Variants in PARD3 observed in about 807,000 individuals in gnomAD.
The protein encoded by PARD3 is partitioning defective 3 homolog.
PARD3 carries 75 observed loss-of-function variants against 155.4 expected under a neutral mutation model. That is an observed-to-expected ratio of 0.48 (90% CI 0.40 to 0.58). The LOEUF is 0.58. Ranked by LOEUF, PARD3 falls within the 20% of genes least tolerant of loss-of-function variation. The probability of loss-of-function intolerance (pLI) is 0.00; values close to 1 mark genes in which losing one functional copy is unlikely to be tolerated. For synonymous variants in PARD3, 576 were observed against 610.5 expected, an observed-to-expected ratio of 0.94 and a Z score of 0.83; for missense variants, 1,642 against 1,721.7, an observed-to-expected ratio of 0.95 and a Z score of 0.82.
chr10:34,344,937 G>C lies in PARD3; in HGVS notation c.2218+3028C>G, dbSNP rs925277726. The stretch of plus-strand genomic sequence containing the variant: ...GCTCCATAACTCCCCGACATATAAG[G>C]TAAGTTGGCTGGAGTATGTGGTTTG... On this transcript the variant is annotated intron_variant, in intron 15 of 24. Coordinates refer to ENST00000374788, the MANE Select transcript of PARD3 (RefSeq NM_001184785.2). 6.1e-6 allele frequency: 6 copies of C among 985,268 alleles called. No homozygotes were observed. In the Admixed American group the frequency reaches 2.5e-4, roughly 40 times the overall value. 61.0% of individuals were successfully genotyped at this position (985,268 alleles called of 1,614,324 possible). A position where few individuals can be genotyped will look rare whatever the true frequency, so the allele number is the denominator to read the frequency against.
At chr10:34,776,833 T>TTTTTGGG (rs1564608800) in intron 1 of PARD3, among the ~76,000 whole-genome samples, 1 of 9,906 alleles carries the variant, frequency 1.0e-4, no homozygotes, top group Admixed American at 1.1e-3. Flanking sequence ...CGTGTTTTTT[T>TTTTTGGG]GTGGGGGGGG....
intron 15 of PARD3, chr10:34,345,254 G>T: frequency 1.0e-6 from 1 of 985,220 alleles, no homozygotes; most frequent in African/African-American, 1.7e-5. Context: ...AACTCTAAAG[G>T]CTCTTCCTTT....
chr10:34,302,632 T>A (rs754362559), intron 20 of PARD3, among the ~76,000 whole-genome samples: 1 of 152,210 alleles, frequency 6.6e-6, no homozygotes, highest in Non-Finnish European at 1.5e-5. Context: ...ATGTTTACTT[T>A]AGCTATCTGT....
intron 2 of PARD3, among the ~76,000 whole-genome samples, chr10:34,580,668 A>G (rs1418765207): frequency 6.6e-6 from 1 of 152,244 alleles, no homozygotes; most frequent in Non-Finnish European, 1.5e-5. Context: ...AACATTTGCC[A>G]AAAATTTGGT....
intron 2 of PARD3, among the ~76,000 whole-genome samples, chr10:34,600,180 CAAAAAAA>C (rs71033321): frequency 7.7e-6 from 1 of 130,694 alleles, no homozygotes; most frequent in South Asian, 2.5e-4. Context: ...ATCAAAAATA[CAAAAAAA>C]AAAAAAAAAT....
chr10:34,180,204 C>T (rs935604589), intron 22 of PARD3, among the ~76,000 whole-genome samples: 3 of 152,136 alleles, frequency 2.0e-5, no homozygotes, highest in African/African-American at 7.2e-5. Context: ...CCCGCCACCA[C>T]GCCTGGCTAA....
chr10:34,703,066 T>TA (rs1270576487), intron 1 of PARD3, among the ~76,000 whole-genome samples: 4 of 151,900 alleles, frequency 2.6e-5, no homozygotes, highest in Non-Finnish European at 5.9e-5. Context: ...AGAATTTTTT[T>TA]AAAAAAAGTA....
intron 2 of PARD3, among the ~76,000 whole-genome samples, chr10:34,597,954 G>A (rs1017185771): frequency 4.6e-5 from 7 of 152,134 alleles, no homozygotes; most frequent in African/African-American, 1.7e-4. Flanking sequence ...TGAAGTAGTG[G>A]CTTTCTCACA....
chr10:34,255,709 C>T (rs956610963), intron 22 of PARD3, among the ~76,000 whole-genome samples: 4 of 152,132 alleles, frequency 2.6e-5, no homozygotes, highest in South Asian at 2.1e-4. Context: ...TCATGGAAGA[C>T]GACAAACTCT....
At chr10:34,568,488 TTA>T (rs2086135666) in intron 2 of PARD3, among the ~76,000 whole-genome samples, 1 of 152,238 alleles carries the variant, frequency 6.6e-6, no homozygotes, top group Admixed American at 6.5e-5. Flanking sequence ...GCTACAAATT[TTA>T]TTTCATGGAA....
intron 22 of PARD3, among the ~76,000 whole-genome samples, chr10:34,252,700 ATGTT>A (rs1394241146): frequency 2.0e-5 from 3 of 152,062 alleles, no homozygotes; most frequent in Non-Finnish European, 4.4e-5. Context: ...GTGAATATAT[ATGTT>A]TATGTGTGTG....
intron 2 of PARD3, among the ~76,000 whole-genome samples, chr10:34,657,427 A>G (rs2093202294): frequency 6.6e-6 from 1 of 152,208 alleles, no homozygotes; most frequent in Admixed American, 6.5e-5. Context: ...TTTGACAATC[A>G]CCTGATAACC....
intron 2 of PARD3, among the ~76,000 whole-genome samples, chr10:34,523,479 C>A (rs1013970552): frequency 2.0e-5 from 3 of 152,122 alleles, no homozygotes; most frequent in African/African-American, 7.2e-5. Context: ...AAGTACAAAA[C>A]ATGTTGGAGA....
Position 34,814,866 on chromosome 10 carries a change from G to A in PARD3, c.120+10C>T, listed in dbSNP as rs923737062. 8.8e-6 allele frequency: 5 copies of A among 565,804 alleles called. No individual in the cohort carries two copies. Among genetic ancestry groups the A allele is most frequent in the African/African-American group, 4.4e-5 (2 of 45,760 alleles). The allele number at this position is 565,804 out of a possible 1,614,324, so 35.0% of individuals were successfully genotyped here. On this transcript the variant is annotated intron_variant, in intron 1 of 24. Coordinates refer to ENST00000374788, the MANE Select transcript of PARD3 (RefSeq NM_001184785.2). ...CCGCCCCCTCCCCGCCCGCGCCCCC[G>A]GCCCCTCACCTTGGCGATGGCCTTC...
At chr10:34,604,757 G>A (rs368337228) in intron 2 of PARD3, among the ~76,000 whole-genome samples, 1 of 151,448 alleles carries the variant, frequency 6.6e-6, no homozygotes, top group Admixed American at 6.6e-5. Context: ...GACAAATCTC[G>A]CTATACCGTC....
chr10:34,445,162 A>T (rs1309264982), intron 5 of PARD3, among the ~76,000 whole-genome samples: 1 of 152,242 alleles, frequency 6.6e-6, no homozygotes, highest in Admixed American at 6.5e-5. Flanking sequence ...AAAGCCTCAG[A>T]AGAGACATCA....
chr10:34,535,807 A>G (rs1044663847), intron 2 of PARD3, among the ~76,000 whole-genome samples: 10 of 111,206 alleles, frequency 9.0e-5, no homozygotes, highest in African/African-American at 5.9e-4. Context: ...TTAACCCACA[A>G]TTATCTTTAA....
chr10:34,479,160 A>ATTT (rs571846177), intron 3 of PARD3, among the ~76,000 whole-genome samples: 46 of 131,784 alleles, frequency 3.5e-4, no homozygotes, highest in African/African-American at 8.6e-4. Context: ...CTCAAATTTA[A>ATTT]TTTTTTTTTT....
intron 2 of PARD3, among the ~76,000 whole-genome samples, chr10:34,560,945 G>C (rs1018744859): frequency 6.6e-6 from 1 of 152,122 alleles, no homozygotes; most frequent in Admixed American, 6.6e-5. Context: ...CCTTCCCTCT[G>C]GGCATGTGCG....
Sources: gnomAD v4.1 joint callset for allele counts (sites outside exome capture counted in the v4.1 genomes callset) on GRCh38, gnomAD v4.1.1 for gene constraint, MANE v1.5 for transcripts, NCBI Gene and HGNC (gene_info 2026-07-23, HGNC 2026-07-21) for gene names.